SYTL2: variants seen among roughly 807,000 people sequenced by gnomAD.
The protein encoded by SYTL2 is synaptotagmin like 2.
Under a neutral mutation model 198.7 loss-of-function variants are expected in SYTL2, and 165 were observed. That is an observed-to-expected ratio of 0.83 (90% CI 0.73 to 0.94). SYTL2 has a LOEUF of 0.94. Ranked by LOEUF, SYTL2 falls within the 40% of genes least tolerant of loss-of-function variation. SYTL2 has a pLI of 0.00. For synonymous variants in SYTL2, 966 were observed against 917.7 expected (o/e 1.05, Z -0.95); for missense variants, 2,835 against 2,582.8 (o/e 1.10, Z -2.12).
chr11:85,757,031 G>A (rs1312144008), intron 2 of SYTL2, among the ~76,000 whole-genome samples: 1 of 152,214 alleles, frequency 6.6e-6, no homozygotes, highest in South Asian at 2.1e-4. Flanking sequence ...AAAGGTGAAT[G>A]AAAGTGGCAG....
At chr11:85,697,320 G>C (rs752904509) in intron 18 of SYTL2, among the ~76,000 whole-genome samples, 2 of 152,124 alleles carry the variant, frequency 1.3e-5, no homozygotes, top group Non-Finnish European at 2.9e-5. Context: ...AATTATAGGC[G>C]TGAGACACCT....
At chr11:85,832,719 A>G in the SYTL2 span, among the ~76,000 whole-genome samples, 2 of 151,930 alleles carry the variant, frequency 1.3e-5, no homozygotes, top group Non-Finnish European at 2.9e-5. Context: ...GGCCTAGTTT[A>G]GTGGTCCATG....
intron 2 of SYTL2, among the ~76,000 whole-genome samples, chr11:85,755,254 G>A (rs1040361580): frequency 2.0e-5 from 3 of 152,064 alleles, no homozygotes; most frequent in Non-Finnish European, 4.4e-5. Flanking sequence ...CTTTTTCAGG[G>A]TCCACAAGCC....
At chr11:85,705,515 T>TC (rs1440556569) in intron 15 of SYTL2, among the ~76,000 whole-genome samples, 2 of 151,684 alleles carry the variant, frequency 1.3e-5, no homozygotes, top group Non-Finnish European at 2.9e-5. Flanking sequence ...TACACACACC[T>TC]CCCCCACTAT....
intron 1 of SYTL2, among the ~76,000 whole-genome samples, chr11:85,772,245 G>A (rs960279940): frequency 6.6e-6 from 1 of 152,136 alleles, no homozygotes; most frequent in African/African-American, 2.4e-5. Context: ...CCATAAATTT[G>A]GTTAAGAAGA....
intron 1 of SYTL2, among the ~76,000 whole-genome samples, chr11:85,766,791 A>G (rs1212295348): frequency 6.6e-6 from 1 of 152,204 alleles, no homozygotes; most frequent in Non-Finnish European, 1.5e-5. Flanking sequence ...GTGGGCTATA[A>G]AACTTTTAAC....
At chr11:85,747,291 T>C (rs545745752) in intron 3 of SYTL2, among the ~76,000 whole-genome samples, 2 of 93,810 alleles carry the variant, frequency 2.1e-5, no homozygotes, top group East Asian at 6.1e-4. Flanking sequence ...TCTATGTCTA[T>C]TAAAAAAAAA....
At chr11:85,848,385 G>A in the SYTL2 span, among the ~76,000 whole-genome samples, 2 of 151,686 alleles carry the variant, frequency 1.3e-5, no homozygotes, top group Admixed American at 6.6e-5. Context: ...ACACTTGGCT[G>A]ATGCAAAGTC....
intron 4 of SYTL2, among the ~76,000 whole-genome samples, chr11:85,745,017 A>T (rs1591856181): frequency 6.6e-6 from 1 of 152,208 alleles, no homozygotes; most frequent in African/African-American, 2.4e-5. Flanking sequence ...TATTGAAGAT[A>T]ATCTATATCC....
intron 1 of SYTL2, among the ~76,000 whole-genome samples, chr11:85,787,701 C>CT (rs56177666): frequency 0.01 from 912 of 90,366 alleles, 9 homozygotes; most frequent in Non-Finnish European, 0.013. Flanking sequence ...TTTTCTTTTC[C>CT]TTTTTTTTTT....
chr11:85,703,280 C>A (rs1183658744), intron 16 of SYTL2, among the ~76,000 whole-genome samples: 1 of 152,078 alleles, frequency 6.6e-6, no homozygotes, highest in Non-Finnish European at 1.5e-5. Flanking sequence ...TAGATAGATT[C>A]AAGCAGCTCA....
intron 1 of SYTL2, among the ~76,000 whole-genome samples, chr11:85,804,610 G>A (rs942713452): frequency 5.3e-5 from 8 of 152,112 alleles, no homozygotes; most frequent in African/African-American, 1.7e-4. Flanking sequence ...TTGGAATACT[G>A]CCTGGTACAT....
intron 8 of SYTL2, among the ~76,000 whole-genome samples, chr11:85,721,267 T>C (rs751765887): frequency 2.6e-5 from 4 of 152,230 alleles, no homozygotes; most frequent in Non-Finnish European, 2.9e-5. Flanking sequence ...ATGCCAGACA[T>C]TGACTCTTCC....
chr11:85,714,530 C>T lies in SYTL2; in HGVS notation c.5531-23G>A, dbSNP rs1329304386. The T allele has an allele frequency of 2.5e-6, 4 of 1,598,832 alleles. No homozygotes were observed. In the African/African-American group the frequency reaches 5.4e-5, roughly 21 times the overall value. On this transcript the variant is annotated intron_variant, in intron 11 of 19. Transcript: ENST00000359152. ...AAACTAAACAGCAGCATTTCCATTT[C>T]AAAATTATTCTTACAATTGTCAGAA...
At chr11:85,723,748 A>G (rs11234391) in intron 8 of SYTL2, among the ~76,000 whole-genome samples, 5,833 of 152,228 alleles carry the variant, frequency 0.038, 178 homozygotes, top group East Asian at 0.099. Flanking sequence ...TGTTTTACGT[A>G]ATGCATTTGA....
At chr11:85,728,624 A>T (rs2089487636) in intron 7 of SYTL2, among the ~76,000 whole-genome samples, 1 of 152,046 alleles carries the variant, frequency 6.6e-6, no homozygotes, top group African/African-American at 2.4e-5. Context: ...CTTACTTTTA[A>T]ATCTTTGTAT....
chr11:85,721,457 T>G (rs1021837160), intron 8 of SYTL2, among the ~76,000 whole-genome samples: 1 of 152,128 alleles, frequency 6.6e-6, no homozygotes, highest in Non-Finnish European at 1.5e-5. Context: ...TGATCTAGTA[T>G]AATTTCCAAT....
intron 12 of SYTL2, among the ~76,000 whole-genome samples, chr11:85,713,748 T>C (rs1413184667): frequency 6.6e-6 from 1 of 152,194 alleles, no homozygotes; most frequent in Non-Finnish European, 1.5e-5. Flanking sequence ...CTGGCACATA[T>C]TAGGTACTCA....
intron 9 of SYTL2, 141 bp from the exon 10 acceptor site, chr11:85,718,984 A>G: frequency 6.5e-7 from 1 of 1,534,526 alleles, no homozygotes; most frequent in South Asian, 1.2e-5. Flanking sequence ...GTCTTCCCCA[A>G]AATACTTTCT....
Sources: gnomAD v4.1 joint callset for allele counts (sites outside exome capture counted in the v4.1 genomes callset) on GRCh38, gnomAD v4.1.1 for gene constraint, MANE v1.5 for transcripts, NCBI Gene and HGNC (gene_info 2026-07-23, HGNC 2026-07-21) for gene names.